The following CHD5 variants were observed in gnomAD, a reference collection of about 807,000 sequenced individuals.
The protein encoded by CHD5 is chromodomain helicase DNA binding protein 5.
CHD5 carries 69 observed loss-of-function variants against 230.3 expected under a neutral mutation model. That is an observed-to-expected ratio of 0.30 (90% CI 0.25 to 0.37). The LOEUF (loss-of-function observed/expected upper bound fraction) is 0.37, where lower values mean the gene tolerates loss of function less well. Ranked by LOEUF, CHD5 falls within the 10% of genes least tolerant of loss-of-function variation. The pLI, the probability that CHD5 is intolerant of heterozygous loss-of-function variation, is 1.00. For synonymous variants in CHD5, 1,064 were observed against 1,065.9 expected (o/e 1.00, Z 0.03); for missense variants, 1,827 against 2,622.8 (o/e 0.70, Z 6.63).
At chr1:6,127,707 G>A (rs1042597068) in intron 25 of CHD5, among the ~76,000 whole-genome samples, 3 of 152,204 alleles carry the variant, frequency 2.0e-5, no homozygotes, top group Admixed American at 6.5e-5. Flanking sequence ...CGGAGCAGGC[G>A]GCTGATGTGT....
At chr1:6,161,583 G>A (rs902815121) in intron 2 of CHD5, among the ~76,000 whole-genome samples, 8 of 152,358 alleles carry the variant, frequency 5.3e-5, no homozygotes, top group Non-Finnish European at 7.3e-5. Context: ...ACAGCCACTG[G>A]CTGGGAGCCT....
At chr1:6,169,864 G>T (rs1223128164) in intron 1 of CHD5, among the ~76,000 whole-genome samples, 8 of 152,172 alleles carry the variant, frequency 5.3e-5, no homozygotes, top group African/African-American at 1.9e-4. Flanking sequence ...GGCAAAGAGA[G>T]GCCCCTCAGC....
At chr1:6,174,822 G>A (rs2100888733) in intron 1 of CHD5, among the ~76,000 whole-genome samples, 1 of 150,902 alleles carries the variant, frequency 6.6e-6, no homozygotes, top group South Asian at 2.1e-4. Flanking sequence ...ATGGAGGATG[G>A]ACGGATGGAT....
rs141278033 is a variant in CHD5 at position 6,162,187 on chromosome 1, G to C, written c.208-2672C>G. Among the ~76,000 whole-genome samples, 1,398 of 152,124 alleles carry C rather than the reference G, an allele frequency of 9.2e-3. 89 individuals carry two copies. Among genetic ancestry groups the C allele is most frequent in the East Asian group, 3.5e-3 (18 of 5,170 alleles). On this transcript the variant is annotated intron_variant, in intron 2 of 41. Coordinates refer to ENST00000262450, the MANE Select transcript of CHD5 (RefSeq NM_015557.3). ...ACCTAAGGTTGGGAGCTCAAGACTA[G>C]CCTGACCAACTTGGAGAAACACTTT... is the stretch of plus-strand genomic sequence containing the variant.
rs528403389 is a variant in CHD5, at chr1:6,150,081, T to C, written c.995-669A>G. 9.0e-5 allele frequency among the ~76,000 whole-genome samples: 13 copies of C among 144,422 alleles called. No individual in the cohort carries two copies. In the South Asian group the frequency reaches 2.9e-3, roughly 33 times the overall value. The allele number at this position is 144,422 out of a possible 152,430, so 94.7% of individuals were successfully genotyped here. On this transcript the variant is annotated intron_variant, in intron 7 of 41. Coordinates refer to ENST00000262450, the MANE Select transcript of CHD5 (RefSeq NM_015557.3). ...ACAAATGGAAGGATGGATGCATAGA[T>C]GGACAAATGGATGGATAGATGGACA...
chr1:6,107,530 G>C (rs12138062), intron 38 of CHD5, among the ~76,000 whole-genome samples: 11,686 of 73,742 alleles, frequency 0.16, 1,019 homozygotes, highest in East Asian at 0.52. Flanking sequence ...GCGGTGGAGA[G>C]ATGGAGGGAT....
intron 20 of CHD5, among the ~76,000 whole-genome samples, 158 bp downstream of exon 20, chr1:6,133,970 G>C (rs1239213745): frequency 2.0e-5 from 3 of 152,196 alleles, no homozygotes; most frequent in Non-Finnish European, 1.5e-5. Flanking sequence ...CATTATGCCA[G>C]GGCACGGGGG....
intron 15 of CHD5, 53 bp from the exon 16 acceptor site, chr1:6,136,918 C>T: frequency 2.6e-6 from 4 of 1,539,100 alleles, no homozygotes; most frequent in Non-Finnish European, 3.5e-6. Context: ...GAGCGGATCA[C>T]AGTCCCAGGA....
Position 6,161,715 on chromosome 1 carries a change from G to A in CHD5, c.208-2200C>T, listed in dbSNP as rs1390539314. ...CGTCCCGTTGAGGGTGTCAGAGTTT[G>A]GCCAGCTTCAAGAGACCGCCCTTCA... On this transcript the variant is annotated intron_variant, in intron 2 of 41. Coordinates refer to ENST00000262450, the MANE Select transcript of CHD5 (RefSeq NM_015557.3). 2.0e-5 allele frequency among the ~76,000 whole-genome samples: 3 copies of A among 152,152 alleles called. No individual in the cohort carries two copies. In the East Asian group the frequency reaches 5.8e-4, roughly 29 times the overall value.
In CHD5 at chr1:6,103,749, CCA is replaced by C. The variant is rs1666112670; in HGVS notation, c.*1723_*1724del. 6.6e-6 allele frequency: 1 copy of C among 152,264 alleles called. No individual in the cohort carries two copies. The highest frequency in any genetic ancestry group is 2.1e-4 in the South Asian group (1 of 4,834). 9.4% of individuals were successfully genotyped at this position (152,264 alleles called of 1,614,324 possible). On this transcript the variant is annotated 3_prime_UTR_variant, in exon 42 of 42. Coordinates refer to ENST00000262450, the MANE Select transcript of CHD5 (RefSeq NM_015557.3). Reference sequence around the variant, plus strand: ...TCGGGCTGGCCTTGCAGACCTGGATCCAGACTGGAGTGTGGGAATGCGCCAAG... The same window carrying C: ...TCGGGCTGGCCTTGCAGACCTGGATCGACTGGAGTGTGGGAATGCGCCAAG...
chr1:6,169,250 A>C (rs937866831), intron 1 of CHD5, among the ~76,000 whole-genome samples: 1 of 152,212 alleles, frequency 6.6e-6, no homozygotes, highest in Non-Finnish European at 1.5e-5. Flanking sequence ...CCCACCTCCA[A>C]CACACTCACA....
At chr1:6,152,384 A>G (rs1667020031) in intron 6 of CHD5, 28 bp downstream of exon 6, 1 of 1,602,030 alleles carries the variant, frequency 6.2e-7, no homozygotes, top group Non-Finnish European at 8.5e-7. Context: ...GCAAATGCAC[A>G]CACACGCGCA....
intron 15 of CHD5, among the ~76,000 whole-genome samples, chr1:6,140,258 AGT>A (rs1267771174): frequency 6.6e-6 from 1 of 152,060 alleles, no homozygotes; most frequent in African/African-American, 2.4e-5. Context: ...AAAGCGGCTG[AGT>A]GTGGTAGCAC....
chr1:6,121,359 C>T lies in CHD5; in HGVS notation c.4780-122G>A. 4.0e-6 allele frequency: 6 copies of T among 1,506,828 alleles called. No individual in the cohort carries two copies. The highest frequency in any genetic ancestry group is 4.5e-6 in the Non-Finnish European group (5 of 1,100,994). 93.3% of individuals were successfully genotyped at this position (1,506,828 alleles called of 1,614,324 possible). A position where few individuals can be genotyped will look rare whatever the true frequency, so the allele number is the denominator to read the frequency against. On this transcript the variant is annotated intron_variant, in intron 32 of 41. Transcript: ENST00000262450. This position sits in a 1 kb window ranked among gnomAD's most constrained non-coding sequence, Gnocchi z 4.5. ...TCCCGTCGCTTGCTCCTAGCCTGCT[C>T]CCCGCCGATTCAGAGCCCCGAAAAG...
rs890547230 is a variant in CHD5, at chr1:6,149,162, C to T, written c.1161+84G>A. The T allele has an allele frequency of 4.8e-5, 71 of 1,470,758 alleles. 1 individual carries two copies. The Admixed American group carries it at 1.2e-3, about 24-fold the overall frequency. 91.1% of individuals were successfully genotyped at this position (1,470,758 alleles called of 1,614,324 possible). A position where few individuals can be genotyped will look rare whatever the true frequency, so the allele number is the denominator to read the frequency against. ...CCCTCCCTCCCCTACAGCATCTCCC[C>T]GCATTCTGCCCCCAAATGAGGGCAC... On this transcript the variant is annotated intron_variant, in intron 8 of 41. Transcript: ENST00000262450.
At chr1:6,170,332 G>C (rs962030540) in intron 1 of CHD5, among the ~76,000 whole-genome samples, 2 of 152,176 alleles carry the variant, frequency 1.3e-5, no homozygotes, top group Non-Finnish European at 2.9e-5. Context: ...TCCTAAGCGG[G>C]GAAAGGGGGA....
rs185664891 is a variant in CHD5, at chr1:6,130,113, G to T, written c.3387+91C>A. Reference sequence around the variant, plus strand: ...CCACAGCACCAGGATAGGTGAGGGGGTGATGGCAAGAAGGGCATGAAGGAC... The same window carrying T: ...CCACAGCACCAGGATAGGTGAGGGGTTGATGGCAAGAAGGGCATGAAGGAC... On this transcript the variant is annotated intron_variant, in intron 22 of 41. Transcript: ENST00000262450. The surrounding 1 kb of genome is among the most constrained non-coding windows in gnomAD (Gnocchi z 4.9). The T allele has an allele frequency of 2.1e-6, 3 of 1,454,628 alleles. No individual in the cohort carries two copies. In the South Asian group the frequency reaches 3.6e-5, roughly 18 times the overall value. 90.1% of individuals were successfully genotyped at this position (1,454,628 alleles called of 1,614,324 possible).
intron 7 of CHD5, among the ~76,000 whole-genome samples, chr1:6,150,445 G>GATGA (rs1666986445): frequency 8.3e-6 from 1 of 120,940 alleles, no homozygotes; most frequent in Non-Finnish European, 1.8e-5. Flanking sequence ...TGGATGGATG[G>GATGA]ATGGATGGAT....
chr1:6,174,408 A>G (rs57543640), intron 1 of CHD5, among the ~76,000 whole-genome samples: 42,695 of 151,574 alleles, frequency 0.28, 11,042 homozygotes, highest in African/African-American at 0.69. Flanking sequence ...GATGGTGGAT[A>G]GGTGGATGGA....
Sources: gnomAD v4.1 joint callset for allele counts (sites outside exome capture counted in the v4.1 genomes callset) on GRCh38, gnomAD v4.1.1 for gene constraint, Gnocchi (gnomAD v3.1) non-coding constraint, MANE v1.5 for transcripts, NCBI Gene and HGNC (gene_info 2026-07-23, HGNC 2026-07-21) for gene names.